Variants in MAP2K5 observed in about 807,000 individuals in gnomAD.
MAP2K5 encodes dual specificity mitogen-activated protein kinase kinase 5.
MAP2K5 carries 49 observed loss-of-function variants against 83.1 expected under a neutral mutation model. The ratio of observed to expected loss-of-function variants is 0.59; its 90% CI spans 0.47 to 0.75. The LOEUF (loss-of-function observed/expected upper bound fraction) is 0.75, where lower values mean the gene tolerates loss of function less well. MAP2K5 is among the 30% of genes least tolerant of loss of function. The pLI, the probability that MAP2K5 is intolerant of heterozygous loss-of-function variation, is 0.00. For synonymous variants in MAP2K5, 202 were observed against 191.8 expected, an observed-to-expected ratio of 1.05 and a Z score of -0.44; for missense variants, 457 against 557.5, an observed-to-expected ratio of 0.82 and a Z score of 1.82.
At chr15:67,727,079 A>G (rs1350096360) in intron 16 of MAP2K5, among the ~76,000 whole-genome samples, 1 of 152,124 alleles carries the variant, frequency 6.6e-6, no homozygotes, top group African/African-American at 2.4e-5. Context: ...TGCGCCTGTA[A>G]TCCCAGCTAC....
intron 9 of MAP2K5, among the ~76,000 whole-genome samples, chr15:67,645,734 G>A (rs187023952): frequency 8.6e-6 from 1 of 116,810 alleles, no homozygotes; most frequent in Non-Finnish European, 1.8e-5. Flanking sequence ...TTTTTTTTTT[G>A]TAGAGATGGG....
At chr15:67,706,458 G>A (rs1026016472) in intron 16 of MAP2K5, among the ~76,000 whole-genome samples, 1 of 151,860 alleles carries the variant, frequency 6.6e-6, no homozygotes, top group Non-Finnish European at 1.5e-5. Context: ...GTGTGGTAGA[G>A]AGCAGATAAC....
At position 67,562,270 on chromosome 15, in the gene MAP2K5, A is replaced by G. The variant is rs754377373; in HGVS notation, c.185-1013A>G. Among the ~76,000 whole-genome samples, 3 of 152,200 alleles carry G rather than the reference A, an allele frequency of 2.0e-5. No homozygotes were observed. The highest frequency in any genetic ancestry group is 4.4e-5 in the Non-Finnish European group (3 of 68,032). ...TTTATAGAAGGATGAAGAGTTAACT[A>G]TATATTTGGAAATAGCCATAAGTCA... is the stretch of plus-strand genomic sequence containing the variant. On this transcript the variant is annotated intron_variant, in intron 2 of 21. Coordinates refer to ENST00000178640, the MANE Select transcript of MAP2K5 (RefSeq NM_145160.3). The surrounding 1 kb of genome is among the most constrained non-coding windows in gnomAD (Gnocchi z 4.1).
intron 21 of MAP2K5, among the ~76,000 whole-genome samples, chr15:67,791,579 A>G (rs1453656015): frequency 1.3e-5 from 2 of 152,224 alleles, no homozygotes; most frequent in Admixed American, 6.5e-5. Context: ...ACTGGCTGCT[A>G]TTATATTGCA....
chr15:67,603,771 T>C (rs1437915443), intron 8 of MAP2K5, among the ~76,000 whole-genome samples: 1 of 152,222 alleles, frequency 6.6e-6, no homozygotes, highest in Non-Finnish European at 1.5e-5. Flanking sequence ...ATTGAGTTTC[T>C]TCTACACTAA....
Position 67,636,658 on chromosome 15 carries a change from T to C in MAP2K5, c.585+5731T>C, listed in dbSNP as rs1375452274. On this transcript the variant is annotated intron_variant, in intron 9 of 21. Coordinates refer to ENST00000178640, the MANE Select transcript of MAP2K5 (RefSeq NM_145160.3). This position sits in a 1 kb window ranked among gnomAD's most constrained non-coding sequence, Gnocchi z 4.7. Reference sequence around the variant, plus strand: ...AGAGCAGCTATGCCTTATAATTTTTTATTGGATACCAGACATGTGGCATGG... The same window carrying C: ...AGAGCAGCTATGCCTTATAATTTTTCATTGGATACCAGACATGTGGCATGG... Among the ~76,000 whole-genome samples the C allele has an allele frequency of 2.0e-5, 3 of 152,188 alleles. No homozygotes were observed. The highest frequency in any genetic ancestry group is 2.9e-5 in the Non-Finnish European group (2 of 68,044).
chr15:67,804,242 C>A (rs539466255), intron 21 of MAP2K5, among the ~76,000 whole-genome samples: 5 of 152,340 alleles, frequency 3.3e-5, no homozygotes, highest in African/African-American at 1.2e-4. Context: ...CAGCTGCCAG[C>A]AGCTACCAAG....
At position 67,543,225 on chromosome 15, in the gene MAP2K5, T is replaced by TTC. The variant is rs1472593734; in HGVS notation, c.-110_-109dup. On this transcript the variant is annotated 5_prime_UTR_variant, in exon 1 of 22. Coordinates refer to ENST00000178640, the MANE Select transcript of MAP2K5 (RefSeq NM_145160.3). This position sits in a 1 kb window ranked among gnomAD's most constrained non-coding sequence, Gnocchi z 4.3. Reference sequence around the variant, plus strand: ...CCCCCTCATCCTCCATTCCCTTGTTTTCACCCTCTGTCCTCTGCCCGTCAC... The same window carrying TTC: ...CCCCCTCATCCTCCATTCCCTTGTTTTCTCACCCTCTGTCCTCTGCCCGTCAC... 1.7e-6 allele frequency: 2 copies of TTC among 1,146,098 alleles called. No individual in the cohort carries two copies. Among genetic ancestry groups the TTC allele is most frequent in the Non-Finnish European group, 2.6e-6 (2 of 774,370 alleles). The allele number at this position is 1,146,098 out of a possible 1,614,324, so 71.0% of individuals were successfully genotyped here. A position where few individuals can be genotyped will look rare whatever the true frequency, so the allele number is the denominator to read the frequency against.
rs1429931847 is a variant in MAP2K5 at position 67,720,151 on chromosome 15, C to G, written c.1045-7765C>G. The stretch of plus-strand genomic sequence containing the variant: ...TATGGCCTAGTTAAAATTGTATATT[C>G]CATTTAAACACAGTATCTAACCAAA... On this transcript the variant is annotated intron_variant, in intron 16 of 21. Coordinates refer to ENST00000178640, the MANE Select transcript of MAP2K5 (RefSeq NM_145160.3). The surrounding 1 kb of genome is among the most constrained non-coding windows in gnomAD (Gnocchi z 5.7). Among the ~76,000 whole-genome samples the G allele has an allele frequency of 6.6e-6, 1 of 152,004 alleles. No individual in the cohort carries two copies. Among genetic ancestry groups the G allele is most frequent in the Non-Finnish European group, 1.5e-5 (1 of 68,004 alleles).
intron 16 of MAP2K5, among the ~76,000 whole-genome samples, chr15:67,712,375 A>C (rs2141227632): frequency 6.6e-6 from 1 of 152,250 alleles, no homozygotes; most frequent in South Asian, 2.1e-4. Flanking sequence ...TTCCAGTGAG[A>C]TTTTCAGTGC....
rs2141275377 is a variant in MAP2K5 at position 67,749,719 on chromosome 15, A to G, written c.1134+1118A>G. Among the ~76,000 whole-genome samples, 1 of 152,306 alleles carries G rather than the reference A, an allele frequency of 6.6e-6. No individual in the cohort carries two copies. Among genetic ancestry groups the G allele is most frequent in the South Asian group, 2.1e-4 (1 of 4,828 alleles). ...AAAATGAAGGCATCGTCCTGAAACA[A>G]ATGGAGGCTCCATTATCTCAAATAT... On this transcript the variant is annotated intron_variant, in intron 19 of 21. Transcript: ENST00000178640. This position sits in a 1 kb window ranked among gnomAD's most constrained non-coding sequence, Gnocchi z 4.6.
rs1211092478 is a variant in MAP2K5, at chr15:67,637,997, T to C, written c.585+7070T>C. On this transcript the variant is annotated intron_variant, in intron 9 of 21. Coordinates refer to ENST00000178640, the MANE Select transcript of MAP2K5 (RefSeq NM_145160.3). The surrounding 1 kb of genome is among the most constrained non-coding windows in gnomAD (Gnocchi z 4.5). Reference sequence around the variant, plus strand: ...AACTTTTAACTTTTTTAACTTTTAATTTAACTTTTTTTAACTTTTTTTTAC... The same window carrying C: ...AACTTTTAACTTTTTTAACTTTTAACTTAACTTTTTTTAACTTTTTTTTAC... Among the ~76,000 whole-genome samples the C allele has an allele frequency of 6.6e-6, 1 of 151,898 alleles. No individual in the cohort carries two copies. The highest frequency in any genetic ancestry group is 1.5e-5 in the Non-Finnish European group (1 of 67,972).
chr15:67,722,219 A>G lies in MAP2K5; in HGVS notation c.1045-5697A>G, dbSNP rs915415431. On this transcript the variant is annotated intron_variant, in intron 16 of 21. Transcript: ENST00000178640. This position sits in a 1 kb window ranked among gnomAD's most constrained non-coding sequence, Gnocchi z 4.2. ...GGGGTTGCAGATTCCACAAGTTATCAGCTAATGGCGTTATACATTAAAAAT... is the reference window on the plus strand; with the variant it reads ...GGGGTTGCAGATTCCACAAGTTATCGGCTAATGGCGTTATACATTAAAAAT... Among the ~76,000 whole-genome samples, 4 of 152,210 alleles carry G rather than the reference A, an allele frequency of 2.6e-5. No homozygotes were observed. Among genetic ancestry groups the G allele is most frequent in the Non-Finnish European group, 5.9e-5 (4 of 68,042 alleles).
chr15:67,645,235 T>A (rs1450258431), intron 9 of MAP2K5, among the ~76,000 whole-genome samples: 5 of 152,072 alleles, frequency 3.3e-5, no homozygotes, highest in African/African-American at 1.2e-4. Context: ...CCCAGTGCTT[T>A]GGGAGGCTGA....
chr15:67,733,460 G>A (rs2089269525), intron 17 of MAP2K5, among the ~76,000 whole-genome samples: 1 of 152,022 alleles, frequency 6.6e-6, no homozygotes, highest in Non-Finnish European at 1.5e-5. Context: ...ACATAAGAAT[G>A]GCATTCAAAT....
Position 67,686,736 on chromosome 15 carries a change from G to T in MAP2K5, c.848-5743G>T, listed in dbSNP as rs140371331. ...GATTTACCAAAGGCTGGGGGTCAGGGTAGAACTGACTGTAAAGTTTTTAAA... is the reference window on the plus strand; with the variant it reads ...GATTTACCAAAGGCTGGGGGTCAGGTTAGAACTGACTGTAAAGTTTTTAAA... On this transcript the variant is annotated intron_variant, in intron 13 of 21. Coordinates refer to ENST00000178640, the MANE Select transcript of MAP2K5 (RefSeq NM_145160.3). 2.0e-3 allele frequency among the ~76,000 whole-genome samples: 297 copies of T among 152,296 alleles called. 2 individuals are homozygous for T. The highest frequency in any genetic ancestry group is 6.6e-3 in the African/African-American group (275 of 41,564).
At chr15:67,591,335 ACT>A (rs2085404039) in intron 6 of MAP2K5, among the ~76,000 whole-genome samples, 1 of 149,794 alleles carries the variant, frequency 6.7e-6, no homozygotes. Context: ...ACAAAGCGAG[ACT>A]CTGTCTCAAA....
At chr15:67,666,902 G>C (rs1236664458) in intron 13 of MAP2K5, among the ~76,000 whole-genome samples, 1 of 152,166 alleles carries the variant, frequency 6.6e-6, no homozygotes, top group Non-Finnish European at 1.5e-5. Flanking sequence ...CAGTGCAGAT[G>C]AACAGTTATG....
intron 3 of MAP2K5, among the ~76,000 whole-genome samples, chr15:67,575,919 T>TCTTTCTTTCTTTCTTTCTTTC (rs56283748): frequency 1.4e-5 from 1 of 74,034 alleles, no homozygotes; most frequent in African/African-American, 6.5e-5. Context: ...TTTCTTTCTT[T>TCTTTCTTTCTTTCTTTCTTTC]TTTTTTTTTT....
Sources: gnomAD v4.1 joint callset for allele counts (sites outside exome capture counted in the v4.1 genomes callset) on GRCh38, gnomAD v4.1.1 for gene constraint, Gnocchi (gnomAD v3.1) non-coding constraint, MANE v1.5 for transcripts, NCBI Gene and HGNC (gene_info 2026-07-23, HGNC 2026-07-21) for gene names.